MYH10: variants seen among roughly 807,000 people sequenced by gnomAD.
The protein encoded by MYH10 is myosin heavy chain 10.
Under a neutral mutation model 257.8 loss-of-function variants are expected in MYH10, and 55 were observed. The observed-to-expected ratio is 0.21, with a 90% CI of 0.17 to 0.27. The LOEUF (loss-of-function observed/expected upper bound fraction) is 0.27, where lower values mean the gene tolerates loss of function less well. Ranked by LOEUF, MYH10 falls within the 10% of genes least tolerant of loss-of-function variation. The probability of loss-of-function intolerance (pLI) is 1.00; values close to 1 mark genes in which losing one functional copy is unlikely to be tolerated. For synonymous variants in MYH10, 854 were observed against 921.7 expected (o/e 0.93, Z 1.33); for missense variants, 1,631 against 2,500.6 (o/e 0.65, Z 7.42).
rs1462396983 is a variant in MYH10, at chr17:8,623,130, T to A, written c.117A>T (p.Pro39=). Residue 39 remains proline (P), a synonymous_variant, in exon 2 of 43, where the codon CCA becomes CCT. Coordinates refer to ENST00000360416, the MANE Select transcript of MYH10 (RefSeq NM_001256012.3). The part of the protein sequence containing the change: ...DWTAKKLVWI[P]SERHGFEAAS... ...CTGCCTCAAAACCATGGCGTTCTGA[T>A]GGAATCCACACTAGCTTTTTAGCTG... 1 of 1,614,070 alleles carries A rather than the reference T, an allele frequency of 6.2e-7. No individual in the cohort carries two copies. Among genetic ancestry groups the A allele is most frequent in the Admixed American group, 1.7e-5 (1 of 60,000 alleles).
chr17:8,495,039 G>GTCA, intron 31 of MYH10, 98 bp downstream of exon 31: 2 of 742,722 alleles, frequency 2.7e-6, no homozygotes, highest in South Asian at 3.2e-5. Context: ...CTAGTAAGAG[G>GTCA]TGACACAGAA....
intron 6 of MYH10, among the ~76,000 whole-genome samples, chr17:8,570,121 GC>G (rs2083288694): frequency 6.6e-6 from 1 of 152,164 alleles, no homozygotes; most frequent in Non-Finnish European, 1.5e-5. Flanking sequence ...AAACAGACTG[GC>G]TTTCATGAAA....
chr17:8,589,007 C>T, intron 4 of MYH10, 74 bp downstream of exon 4: 1 of 1,407,328 alleles, frequency 7.1e-7, no homozygotes, highest in Non-Finnish European at 1.0e-6. Flanking sequence ...CTTCTCCCCT[C>T]CCCCCAGACA....
At chr17:8,531,007 A>G (rs73248058) in intron 16 of MYH10, among the ~76,000 whole-genome samples, 2,081 of 152,294 alleles carry the variant, frequency 0.014, 42 homozygotes, top group African/African-American at 0.048. Context: ...TGAGTTGTCT[A>G]TCGTAAAAAT....
rs373763116 is a variant in MYH10 at position 8,608,608 on chromosome 17, T to G, written c.346-3626A>C. Among the ~76,000 whole-genome samples, 14 of 152,344 alleles carry G rather than the reference T, an allele frequency of 9.2e-5. No homozygotes were observed. The East Asian group carries it at 2.3e-3, about 25-fold the overall frequency. On this transcript the variant is annotated intron_variant, in intron 2 of 42. Transcript: ENST00000360416. ...GATTGCCAGAGCCTTGGGAAAATCC[T>G]GAAGAGCTGCAAAGGCCTGAAAGGT...
chr17:8,515,289 T>G (rs1179872141), intron 21 of MYH10, among the ~76,000 whole-genome samples: 1 of 152,152 alleles, frequency 6.6e-6, no homozygotes, highest in Non-Finnish European at 1.5e-5. Context: ...ATTCATTCAC[T>G]CCAGCAAACA....
intron 33 of MYH10, 67 bp from the exon 34 acceptor site, chr17:8,492,576 T>A: frequency 6.8e-7 from 1 of 1,478,748 alleles, no homozygotes; most frequent in South Asian, 1.3e-5. Flanking sequence ...TCTTCCACCA[T>A]GTGGCTGATT....
chr17:8,507,306 G>A (rs749827832), intron 26 of MYH10, among the ~76,000 whole-genome samples: 5 of 152,170 alleles, frequency 3.3e-5, no homozygotes, highest in African/African-American at 9.7e-5. Context: ...CAACCCCATC[G>A]TCTTCCTATC....
intron 28 of MYH10, among the ~76,000 whole-genome samples, chr17:8,501,406 C>T (rs77907618): frequency 1.2e-3 from 176 of 152,272 alleles, no homozygotes; most frequent in African/African-American, 4.0e-3. Context: ...CTGGTTTCAC[C>T]GGAGGTCAGG....
intron 3 of MYH10, among the ~76,000 whole-genome samples, chr17:8,593,701 T>C (rs893752606): frequency 6.6e-6 from 1 of 152,118 alleles, no homozygotes; most frequent in Non-Finnish European, 1.5e-5. Flanking sequence ...AGAAGACCTA[T>C]AGAGAGACAA....
intron 6 of MYH10, among the ~76,000 whole-genome samples, 176 bp downstream of exon 6, chr17:8,576,467 C>T (rs536666058): frequency 1.3e-5 from 2 of 152,198 alleles, no homozygotes; most frequent in South Asian, 4.1e-4. Flanking sequence ...TAAAGCAAAA[C>T]GGCATGCGCT....
chr17:8,616,555 A>G (rs1475546581), intron 2 of MYH10, among the ~76,000 whole-genome samples: 1 of 152,096 alleles, frequency 6.6e-6, no homozygotes, highest in Non-Finnish European at 1.5e-5. Flanking sequence ...CAAATAAAAT[A>G]AAATACCCAA....
chr17:8,542,719 G>A (rs1385358664), intron 13 of MYH10, among the ~76,000 whole-genome samples: 8 of 152,174 alleles, frequency 5.3e-5, no homozygotes, highest in Admixed American at 4.6e-4. Context: ...TTCTGAAGCT[G>A]GGGTGGAGAA....
rs183255397 is a variant in MYH10 at position 8,612,579 on chromosome 17, G to A, written c.346-7597C>T. On this transcript the variant is annotated intron_variant, in intron 2 of 42. Transcript: ENST00000360416. Reference sequence around the variant, plus strand: ...TTTTATCATAGGTATGGCCAGGTGCGGTGGCTCACACCTGTAATCGCAGCA... The same window carrying A: ...TTTTATCATAGGTATGGCCAGGTGCAGTGGCTCACACCTGTAATCGCAGCA... Among the ~76,000 whole-genome samples, 394 of 152,154 alleles carry A rather than the reference G, an allele frequency of 2.6e-3. 4 individuals are homozygous for A. Among genetic ancestry groups the A allele is most frequent in the African/African-American group, 8.9e-3 (371 of 41,504 alleles).
chr17:8,484,526 G>A (rs919555948), intron 36 of MYH10, among the ~76,000 whole-genome samples: 8 of 152,042 alleles, frequency 5.3e-5, no homozygotes, highest in African/African-American at 1.2e-4. Flanking sequence ...CAAGGATATC[G>A]TAAGAAAACT....
At chr17:8,597,777 G>A (rs1217740187) in intron 3 of MYH10, among the ~76,000 whole-genome samples, 3 of 17,494 alleles carry the variant, frequency 1.7e-4, no homozygotes, top group African/African-American at 2.4e-4. Flanking sequence ...ACCAGGCCCG[G>A]CTAATTTTTT....
intron 17 of MYH10, among the ~76,000 whole-genome samples, chr17:8,528,107 G>A (rs868795007): frequency 3.3e-5 from 5 of 152,122 alleles, no homozygotes; most frequent in African/African-American, 1.2e-4. Context: ...ACACTCTTCC[G>A]GACCTGTCAG....
rs763461828 is a variant in MYH10, at chr17:8,480,037, A to C, written c.5597+73T>G. On this transcript the variant is annotated intron_variant, in intron 40 of 42. Transcript: ENST00000360416. ...CCACGTGGTGGGGAGCCCCCCCGAA[A>C]GGGGCATGCCTGTTTTGTCTCTGAC... 237 of 1,484,344 alleles carry C rather than the reference A, an allele frequency of 1.6e-4. 1 individual carries two copies. Among genetic ancestry groups the C allele is most frequent in the Non-Finnish European group, 2.0e-4 (217 of 1,082,486 alleles). 91.9% of individuals were successfully genotyped at this position (1,484,344 alleles called of 1,614,324 possible). A position where few individuals can be genotyped will look rare whatever the true frequency, so the allele number is the denominator to read the frequency against.
chr17:8,575,422 C>T (rs2083467745), intron 6 of MYH10, among the ~76,000 whole-genome samples: 1 of 152,168 alleles, frequency 6.6e-6, no homozygotes, highest in African/African-American at 2.4e-5. Context: ...TCCAGATTTT[C>T]CTTCTTTAAT....
Sources: allele counts gnomAD v4.1 joint callset (sites outside exome capture counted in the v4.1 genomes callset), GRCh38; gene constraint gnomAD v4.1.1; transcripts MANE v1.5; gene names NCBI Gene and HGNC (gene_info 2026-07-23, HGNC 2026-07-21).